The following SUGCT variants were observed in gnomAD, a reference collection of about 807,000 sequenced individuals.
SUGCT encodes the protein succinyl-CoA:glutarate CoA-transferase.
In SUGCT, 41 loss-of-function variants were observed where a neutral mutation model predicts 55.0. The observed-to-expected ratio is 0.74, with a 90% CI of 0.58 to 0.97. SUGCT has a LOEUF of 0.97. Ranked by LOEUF, SUGCT falls within the 50% of genes least tolerant of loss-of-function variation. The probability of loss-of-function intolerance (pLI) is 0.00; values close to 1 mark genes in which losing one functional copy is unlikely to be tolerated. For missense variants in SUGCT, 568 were observed against 547.8 expected, an observed-to-expected ratio of 1.04 and a Z score of -0.37; for synonymous variants, 187 against 200.4, an observed-to-expected ratio of 0.93 and a Z score of 0.56.
At chr7:40,890,319 T>TA in the SUGCT span, among the ~76,000 whole-genome samples, 3 of 124,334 alleles carry the variant, frequency 2.4e-5, no homozygotes, top group Admixed American at 8.1e-5. Flanking sequence ...ATTTATGTTA[T>TA]ATAATATAAA....
intron 11 of SUGCT, among the ~76,000 whole-genome samples, chr7:40,463,088 C>G (rs1208102576): frequency 6.6e-6 from 1 of 152,164 alleles, no homozygotes; most frequent in Admixed American, 6.5e-5. Context: ...CCATGTGAGT[C>G]TATCGTGTTT....
chr7:40,863,824 G>T (rs965922118), downstream of SUGCT, among the ~76,000 whole-genome samples: 1 of 152,028 alleles, frequency 6.6e-6, no homozygotes, highest in African/African-American at 2.4e-5. Context: ...CAGTATGAGT[G>T]ATCTTTAGGA....
At chr7:40,160,178 G>A (rs903267281) in intron 1 of SUGCT, among the ~76,000 whole-genome samples, 11 of 152,104 alleles carry the variant, frequency 7.2e-5, no homozygotes, top group Non-Finnish European at 1.5e-5. Flanking sequence ...TGAAAATATG[G>A]GTGGTCTTGG....
chr7:40,583,475 G>A (rs147160098), intron 12 of SUGCT, among the ~76,000 whole-genome samples: 38 of 152,002 alleles, frequency 2.5e-4, no homozygotes, highest in African/African-American at 8.9e-4. Flanking sequence ...GTTTAAATAT[G>A]TCTTCCCTGG....
At chr7:40,620,703 A>G (rs1038599412) in intron 12 of SUGCT, among the ~76,000 whole-genome samples, 6 of 152,156 alleles carry the variant, frequency 3.9e-5, no homozygotes, top group Non-Finnish European at 5.9e-5. Flanking sequence ...ACGCCCGGCC[A>G]ATAACTCTTA....
intron 12 of SUGCT, among the ~76,000 whole-genome samples, chr7:40,639,245 A>G (rs573281908): frequency 6.6e-6 from 1 of 152,316 alleles, no homozygotes; most frequent in South Asian, 2.1e-4. Flanking sequence ...CTGTGATGGC[A>G]GGACCACATC....
chr7:40,739,684 T>TTTG (rs1169060444), intron 12 of SUGCT, among the ~76,000 whole-genome samples: 1 of 152,176 alleles, frequency 6.6e-6, no homozygotes, highest in African/African-American at 2.4e-5. Context: ...CTCTATTGCA[T>TTTG]TTGTACCTTT....
chr7:41,030,120 A>G, the SUGCT span, among the ~76,000 whole-genome samples: 2 of 152,186 alleles, frequency 1.3e-5, no homozygotes, highest in Non-Finnish European at 2.9e-5. Context: ...TTAATACACC[A>G]TTGTATACAC....
At chr7:40,919,469 G>A in the SUGCT span, among the ~76,000 whole-genome samples, 1 of 152,138 alleles carries the variant, frequency 6.6e-6, no homozygotes, top group Non-Finnish European at 1.5e-5. Flanking sequence ...CCAAACGGGG[G>A]GTTCTTAATA....
At chr7:40,938,595 C>T in the SUGCT span, among the ~76,000 whole-genome samples, 1 of 151,674 alleles carries the variant, frequency 6.6e-6, no homozygotes, top group Non-Finnish European at 1.5e-5. Context: ...TTAGTGCACC[C>T]ATCACTCAAA....
intron 6 of SUGCT, among the ~76,000 whole-genome samples, chr7:40,208,335 A>T (rs990229043): frequency 6.6e-6 from 1 of 152,106 alleles, no homozygotes; most frequent in African/African-American, 2.4e-5. Context: ...GTTAAAACTA[A>T]TTTTTTTGTT....
chr7:41,023,043 G>A, the SUGCT span, among the ~76,000 whole-genome samples: 6,052 of 152,216 alleles, frequency 0.04, 238 homozygotes, highest in South Asian at 0.18. Context: ...GAAGTGTGAC[G>A]TACAACTTGT....
chr7:40,236,459 AT>A (rs1234999928), intron 6 of SUGCT, among the ~76,000 whole-genome samples: 1 of 151,164 alleles, frequency 6.6e-6, no homozygotes, highest in Non-Finnish European at 1.5e-5. Flanking sequence ...AAAAAAAAAA[AT>A]TTGACACCTT....
At chr7:40,505,447 G>A (rs984014874) in intron 12 of SUGCT, among the ~76,000 whole-genome samples, 1 of 151,806 alleles carries the variant, frequency 6.6e-6, no homozygotes, top group East Asian at 1.9e-4. Flanking sequence ...CCACTTTATT[G>A]CCTTCTTTTG....
At chr7:40,365,277 C>T (rs1366178945) in intron 9 of SUGCT, among the ~76,000 whole-genome samples, 2 of 152,056 alleles carry the variant, frequency 1.3e-5, no homozygotes, top group African/African-American at 4.8e-5. Context: ...ATAATAAGAG[C>T]TATCTATGAC....
chr7:40,993,821 T>A, the SUGCT span, among the ~76,000 whole-genome samples: 1 of 152,200 alleles, frequency 6.6e-6, no homozygotes, highest in African/African-American at 2.4e-5. Flanking sequence ...ACTCAACTTT[T>A]TAACCTGTAA....
chr7:40,394,100 A>G (rs1785588338), intron 9 of SUGCT, among the ~76,000 whole-genome samples: 1 of 152,152 alleles, frequency 6.6e-6, no homozygotes, highest in Non-Finnish European at 1.5e-5. Flanking sequence ...TTGCTGAGAC[A>G]CGGGCAGGAT....
intron 13 of SUGCT, among the ~76,000 whole-genome samples, chr7:40,824,389 A>G (rs188041663): frequency 1.3e-5 from 2 of 152,220 alleles, no homozygotes; most frequent in Admixed American, 1.3e-4. Flanking sequence ...GCAAGAACAG[A>G]GGGAGGAGGG....
At chr7:40,653,179 A>G (rs562717511) in intron 12 of SUGCT, among the ~76,000 whole-genome samples, 57 of 152,180 alleles carry the variant, frequency 3.7e-4, no homozygotes, top group Non-Finnish European at 5.4e-4. Context: ...GGGCAAAGGA[A>G]GTTTCTAGTT....
Sources: gnomAD v4.1 joint callset for allele counts (sites outside exome capture counted in the v4.1 genomes callset) on GRCh38, gnomAD v4.1.1 for gene constraint, MANE v1.5 for transcripts, NCBI Gene and HGNC (gene_info 2026-07-23, HGNC 2026-07-21) for gene names.